Variants in CARS2 observed in about 807,000 individuals in gnomAD.
The protein encoded by CARS2 is probable cysteine--tRNA ligase, mitochondrial.
Under a neutral mutation model 68.8 loss-of-function variants are expected in CARS2, and 52 were observed. That is an observed-to-expected ratio of 0.76 (90% CI 0.61 to 0.95). The LOEUF (loss-of-function observed/expected upper bound fraction) is 0.95. Ranked by LOEUF, CARS2 falls within the 40% of genes least tolerant of loss-of-function variation. The pLI is 0.00. For missense variants in CARS2, 780 were observed against 754.2 expected, an observed-to-expected ratio of 1.03 and a Z score of -0.40; for synonymous variants, 314 against 303.6, an observed-to-expected ratio of 1.03 and a Z score of -0.36.
chr13:110,667,779 G>C (rs1180160475), intron 7 of CARS2, among the ~76,000 whole-genome samples: 1 of 152,036 alleles, frequency 6.6e-6, no homozygotes, highest in Non-Finnish European at 1.5e-5. Context: ...TCAATAGGTA[G>C]AGTTTAGTGG....
At chr13:110,710,302 A>C (rs1309309475), upstream of CARS2, among the ~76,000 whole-genome samples, 7 of 152,110 alleles carry the variant, frequency 4.6e-5, no homozygotes, top group Non-Finnish European at 8.8e-5. Context: ...GAATCGCTTG[A>C]ACCCGGGAGG....
At chr13:110,651,161 G>T in intron 9 of CARS2, 61 bp from the exon 10 acceptor site, 1 of 1,156,198 alleles carries the variant, frequency 8.6e-7, no homozygotes, top group Non-Finnish European at 1.3e-6. Context: ...ACTGTTCAGA[G>T]AATATGTTAC....
Position 110,642,592 on chromosome 13 carries a change from G to A in CARS2, c.1417-71C>T, listed in dbSNP as rs200972973. 9.6e-5 allele frequency: 142 copies of A among 1,476,902 alleles called. 2 individuals carry two copies. In the South Asian group the frequency reaches 1.2e-3, roughly 13 times the overall value. The allele number at this position is 1,476,902 out of a possible 1,614,324, so 91.5% of individuals were successfully genotyped here. A position where few individuals can be genotyped will look rare whatever the true frequency, so the allele number is the denominator to read the frequency against. Reference sequence around the variant, plus strand: ...GTGGATGCCCCCTCCCCACCCCGTGGTTGGGCTCTGGGCCGACACCCACCC... The same window carrying A: ...GTGGATGCCCCCTCCCCACCCCGTGATTGGGCTCTGGGCCGACACCCACCC... On this transcript the variant is annotated intron_variant, in intron 13 of 14. Transcript: ENST00000257347.
chr13:110,704,266 C>T (rs187782247), intron 2 of CARS2, among the ~76,000 whole-genome samples: 16 of 152,302 alleles, frequency 1.1e-4, no homozygotes, highest in Admixed American at 9.8e-4. Context: ...AGTAACAGAA[C>T]TGTTTTCTTT....
rs1057039727 is a variant in CARS2 at position 110,670,947 on chromosome 13, T to C, written c.786-3474A>G. ...AGCTTCAGTAGCCGATTTGATCAAG[T>C]GGAAGAAAGGGTATCAGTGATTGAA... On this transcript the variant is annotated intron_variant, in intron 7 of 14. Transcript: ENST00000257347. This position sits in a 1 kb window ranked among gnomAD's most constrained non-coding sequence, Gnocchi z 4.1. Among the ~76,000 whole-genome samples, 7 of 151,708 alleles carry C rather than the reference T, an allele frequency of 4.6e-5. No individual in the cohort carries two copies. Among genetic ancestry groups the C allele is most frequent in the African/African-American group, 1.7e-4 (7 of 41,230 alleles).
chr13:110,713,495 C>T (rs964374519), exon 1 of CARS2: 4 of 987,228 alleles, frequency 4.1e-6, no homozygotes, highest in Middle Eastern at 1.0e-3. Flanking sequence ...ACGCTGTCCC[C>T]TCCGCGACCC....
chr13:110,690,979 G>A (rs1322869288), intron 3 of CARS2, among the ~76,000 whole-genome samples: 2 of 152,100 alleles, frequency 1.3e-5, no homozygotes, highest in Non-Finnish European at 2.9e-5. Flanking sequence ...TCTATTGAGT[G>A]GTATAGGTCT....
chr13:110,688,095 C>T (rs2063357239), intron 3 of CARS2, 77 bp from the exon 4 acceptor site: 9 of 971,934 alleles, frequency 9.3e-6, no homozygotes, highest in Admixed American at 2.1e-5. Context: ...AGAAAGCCCA[C>T]GTGCACAACA....
intron 3 of CARS2, among the ~76,000 whole-genome samples, chr13:110,699,285 C>G (rs985099719): frequency 1.3e-5 from 2 of 152,238 alleles, no homozygotes; most frequent in Non-Finnish European, 2.9e-5. Context: ...GAGGGTCAAA[C>G]TGCCAAACAG....
At position 110,683,054 on chromosome 13, in the gene CARS2, GCTC is replaced by G. The variant is rs753472937; in HGVS notation, c.649_651del (p.Glu217del). 2.3e-5 allele frequency: 37 copies of G among 1,599,024 alleles called. No individual in the cohort carries two copies. The highest frequency in any genetic ancestry group is 2.9e-5 in the Non-Finnish European group (34 of 1,174,908). On this transcript the variant is annotated inframe_deletion, in exon 6 of 15. Coordinates refer to ENST00000257347, the MANE Select transcript of CARS2 (RefSeq NM_024537.4). ...GGGCTGAGCCCGGCCAACCCACCTG[GCTC>G]TCCGACTGGACCAGGGACCACGCCG...
intron 6 of CARS2, 85 bp downstream of exon 6, chr13:110,682,966 G>C: frequency 1.2e-6 from 1 of 823,454 alleles, no homozygotes; most frequent in Non-Finnish European, 1.9e-6. Flanking sequence ...CAAGTGGAGG[G>C]GTCTGCGCTC....
chr13:110,663,765 A>T, intron 8 of CARS2: 1 of 1,256,870 alleles, frequency 8.0e-7, no homozygotes, highest in East Asian at 3.2e-5. Flanking sequence ...GGGGTGCCCC[A>T]GCTGACTCAG....
At chr13:110,685,582 G>A (rs2063278381) in intron 5 of CARS2, among the ~76,000 whole-genome samples, 1 of 152,246 alleles carries the variant, frequency 6.6e-6, no homozygotes, top group South Asian at 2.1e-4. Context: ...GGTTTTTATG[G>A]TCTGAGAATT....
intron 3 of CARS2, among the ~76,000 whole-genome samples, chr13:110,698,472 A>G (rs2063688404): frequency 6.6e-6 from 1 of 151,834 alleles, no homozygotes; most frequent in Non-Finnish European, 1.5e-5. Flanking sequence ...GTGAGCGGAG[A>G]TAGCACCATT....
At chr13:110,662,508 C>CT (rs1216520449) in intron 9 of CARS2, among the ~76,000 whole-genome samples, 1 of 152,266 alleles carries the variant, frequency 6.6e-6, no homozygotes, top group Non-Finnish European at 1.5e-5. Context: ...TAACACATTT[C>CT]TCTTTGTTTT....
intron 11 of CARS2, 45 bp downstream of exon 11, chr13:110,647,056 G>C (rs1266347653): frequency 6.6e-7 from 1 of 1,516,656 alleles, no homozygotes; most frequent in African/African-American, 1.4e-5. Flanking sequence ...GCACCCAGCA[G>C]GCCACAGGAG....
intron 13 of CARS2, 101 bp downstream of exon 13, chr13:110,644,284 G>C: frequency 1.5e-6 from 2 of 1,344,624 alleles, no homozygotes; most frequent in Non-Finnish European, 2.1e-6. Flanking sequence ...AAATACATTA[G>C]TGTGGCATCA....
upstream of CARS2, among the ~76,000 whole-genome samples, chr13:110,708,462 T>C (rs2064001429): frequency 1.3e-5 from 2 of 152,266 alleles, no homozygotes; most frequent in Admixed American, 6.5e-5. Flanking sequence ...TGCGGTATAT[T>C]TGAATTGTTC....
In CARS2 at chr13:110,661,040, G is replaced by A. The variant is rs554989362; in HGVS notation, c.987+2411C>T. On this transcript the variant is annotated intron_variant, in intron 9 of 14. Transcript: ENST00000257347. ...CTCCCAAAGTGCTGGGATTACAAACGTGAGCCACTGCACCCAGCCGATTTA... is the reference window on the plus strand; with the variant it reads ...CTCCCAAAGTGCTGGGATTACAAACATGAGCCACTGCACCCAGCCGATTTA... Among the ~76,000 whole-genome samples, 6 of 152,262 alleles carry A rather than the reference G, an allele frequency of 3.9e-5. No individual in the cohort carries two copies. The East Asian group carries it at 5.8e-4, about 15-fold the overall frequency.
Sources: gnomAD v4.1 joint callset for allele counts (sites outside exome capture counted in the v4.1 genomes callset) on GRCh38, gnomAD v4.1.1 for gene constraint, Gnocchi (gnomAD v3.1) non-coding constraint, MANE v1.5 for transcripts, NCBI Gene and HGNC (gene_info 2026-07-23, HGNC 2026-07-21) for gene names.